Variants in FHIT observed in about 807,000 individuals in gnomAD.
FHIT encodes the protein fragile histidine triad diadenosine triphosphatase.
Under a neutral mutation model 17.9 loss-of-function variants are expected in FHIT, and 19 were observed. The ratio of observed to expected loss-of-function variants is 1.06; its 90% confidence interval spans 0.74 to 1.56. The LOEUF (loss-of-function observed/expected upper bound fraction) is 1.56. Among genes scored for constraint, FHIT ranks in the 40% most tolerant of loss-of-function variants. The pLI, the probability that FHIT is intolerant of heterozygous loss-of-function variation, is 0.00. For synonymous variants in FHIT, 81 were observed against 69.7 expected (o/e 1.16, Z -0.81); for missense variants, 248 against 189.2 (o/e 1.31, Z -1.82).
intron 7 of FHIT, among the ~76,000 whole-genome samples, chr3:60,003,324 C>T (rs929687298): frequency 6.6e-6 from 1 of 152,056 alleles, no homozygotes; most frequent in Non-Finnish European, 1.5e-5. Context: ...GCAACCTGTT[C>T]TTTTATTTTA....
chr3:60,185,541 T>C (rs1702122301), intron 5 of FHIT, among the ~76,000 whole-genome samples: 1 of 152,214 alleles, frequency 6.6e-6, no homozygotes, highest in Non-Finnish European at 1.5e-5. Flanking sequence ...TTTTGGTTGT[T>C]TCCAGTTTGG....
At chr3:60,618,276 C>T (rs1328892242) in intron 4 of FHIT, among the ~76,000 whole-genome samples, 1 of 152,114 alleles carries the variant, frequency 6.6e-6, no homozygotes, top group Non-Finnish European at 1.5e-5. Context: ...TCCTAGCTAC[C>T]TATTTTCCAG....
At chr3:61,030,206 G>A (rs1192438654) in intron 3 of FHIT, among the ~76,000 whole-genome samples, 5 of 152,194 alleles carry the variant, frequency 3.3e-5, no homozygotes, top group African/African-American at 1.2e-4. Context: ...CTGGCCTCAA[G>A]CCATCCACCC....
At chr3:60,471,781 G>A (rs961774184) in intron 5 of FHIT, among the ~76,000 whole-genome samples, 11 of 152,024 alleles carry the variant, frequency 7.2e-5, no homozygotes, top group Admixed American at 1.3e-4. Flanking sequence ...CTTCAATTTG[G>A]CCATCTTGCT....
At chr3:59,914,326 G>C (rs971874363) in intron 8 of FHIT, among the ~76,000 whole-genome samples, 4 of 151,930 alleles carry the variant, frequency 2.6e-5, no homozygotes, top group Non-Finnish European at 5.9e-5. Flanking sequence ...ACGTCACCCC[G>C]CAGTGACAAA....
intron 4 of FHIT, among the ~76,000 whole-genome samples, chr3:60,571,958 G>A (rs1189158582): frequency 6.6e-6 from 1 of 152,074 alleles, no homozygotes; most frequent in Non-Finnish European, 1.5e-5. Flanking sequence ...CATTTCTTTG[G>A]TCATTGCTTT....
chr3:59,910,606 A>G (rs959167016), intron 8 of FHIT, among the ~76,000 whole-genome samples: 1 of 152,050 alleles, frequency 6.6e-6, no homozygotes, highest in African/African-American at 2.4e-5. Context: ...GTTATTAGGT[A>G]TGTTCATTTT....
chr3:61,125,256 A>G lies in FHIT; in HGVS notation c.-164+75361T>C, dbSNP rs559445602. On this transcript the variant is annotated intron_variant, in intron 2 of 9. Coordinates refer to ENST00000492590, the MANE Select transcript of FHIT (RefSeq NM_002012.4). The stretch of plus-strand genomic sequence containing the variant: ...ATTAATACATTTGAGTACATGAACA[A>G]GTTTGTGTTTTACCTATTGAATCAA... Among the ~76,000 whole-genome samples the G allele has an allele frequency of 2.0e-5, 3 of 152,322 alleles. No homozygotes were observed. The East Asian group carries it at 5.8e-4, about 29-fold the overall frequency.
At chr3:61,028,258 T>C (rs952094237) in intron 3 of FHIT, among the ~76,000 whole-genome samples, 9 of 152,220 alleles carry the variant, frequency 5.9e-5, no homozygotes, top group Admixed American at 5.2e-4. Flanking sequence ...GATAGCTTTC[T>C]ACAATTCACA....
chr3:60,798,751 G>GTTTT (rs1701078725), intron 4 of FHIT, among the ~76,000 whole-genome samples: 1 of 125,680 alleles, frequency 8.0e-6, no homozygotes, highest in South Asian at 3.1e-4. Flanking sequence ...TACTGCAATA[G>GTTTT]CTTTTTTTTT....
intron 3 of FHIT, among the ~76,000 whole-genome samples, chr3:60,942,952 C>T (rs1468608883): frequency 6.6e-6 from 1 of 152,058 alleles, no homozygotes; most frequent in African/African-American, 2.4e-5. Context: ...TTTTGAGTTT[C>T]CAAATGTATA....
At chr3:60,317,972 G>C (rs1016259135) in intron 5 of FHIT, among the ~76,000 whole-genome samples, 1 of 151,652 alleles carries the variant, frequency 6.6e-6, no homozygotes, top group Non-Finnish European at 1.5e-5. Flanking sequence ...TATATTTTTT[G>C]GTAGAAACGG....
chr3:60,277,873 A>G (rs774385575), intron 5 of FHIT, among the ~76,000 whole-genome samples: 6 of 152,276 alleles, frequency 3.9e-5, no homozygotes, highest in South Asian at 2.1e-4. Context: ...ATCCCAGCCA[A>G]TGACACTGCT....
chr3:60,366,478 T>C (rs145081931), intron 5 of FHIT, among the ~76,000 whole-genome samples: 1 of 152,254 alleles, frequency 6.6e-6, no homozygotes, highest in East Asian at 1.9e-4. Context: ...GTTTTGAATA[T>C]CCCCTCCAAA....
At chr3:61,078,984 G>A (rs2106768446) in intron 2 of FHIT, among the ~76,000 whole-genome samples, 1 of 151,678 alleles carries the variant, frequency 6.6e-6, no homozygotes, top group Non-Finnish European at 1.5e-5. Context: ...AGTCAATATG[G>A]GTACCACAGA....
chr3:60,649,135 C>A (rs886400275), intron 4 of FHIT, among the ~76,000 whole-genome samples: 1 of 152,160 alleles, frequency 6.6e-6, no homozygotes, highest in African/African-American at 2.4e-5. Flanking sequence ...CGGTGGCTCA[C>A]GCCTGTAATC....
chr3:59,934,332 C>T (rs1706123867), intron 7 of FHIT, among the ~76,000 whole-genome samples: 1 of 152,106 alleles, frequency 6.6e-6, no homozygotes, highest in Admixed American at 6.6e-5. Flanking sequence ...CACTCTGGTA[C>T]AGTTGAACAC....
intron 4 of FHIT, among the ~76,000 whole-genome samples, chr3:60,559,690 G>T (rs1319902766): frequency 1.3e-5 from 2 of 152,004 alleles, no homozygotes; most frequent in Non-Finnish European, 2.9e-5. Context: ...TGAGAAGATG[G>T]AAAGCATATG....
At chr3:61,066,556 A>G (rs981865987) in intron 2 of FHIT, among the ~76,000 whole-genome samples, 3 of 152,220 alleles carry the variant, frequency 2.0e-5, no homozygotes, top group African/African-American at 7.2e-5. Context: ...CAAAGGTTGC[A>G]GTGAGCAGAG....
Sources: allele counts gnomAD v4.1 joint callset (sites outside exome capture counted in the v4.1 genomes callset), GRCh38; gene constraint gnomAD v4.1.1; transcripts MANE v1.5; gene names NCBI Gene and HGNC (gene_info 2026-07-23, HGNC 2026-07-21).